STPG2: variants seen among roughly 807,000 people sequenced by gnomAD.
STPG2 encodes sperm tail PG-rich repeat containing 2.
In STPG2, 56 loss-of-function variants were observed where a neutral mutation model predicts 54.2. The observed-to-expected ratio is 1.03, with a 90% CI of 0.83 to 1.29. The LOEUF (loss-of-function observed/expected upper bound fraction) is 1.29. Among genes scored for constraint, STPG2 ranks in the 50% most tolerant of loss-of-function variants. STPG2 has a pLI of 0.00. For missense variants in STPG2, 596 were observed against 544.9 expected, an observed-to-expected ratio of 1.09 and a Z score of -0.93; for synonymous variants, 200 against 181.8, an observed-to-expected ratio of 1.10 and a Z score of -0.81.
intron 5 of STPG2, among the ~76,000 whole-genome samples, chr4:98,014,905 T>C (rs1442870378): frequency 2.0e-5 from 3 of 152,182 alleles, no homozygotes; most frequent in Non-Finnish European, 4.4e-5. Context: ...ATTTTTTTTC[T>C]TTCAGCATTT....
At chr4:97,599,823 C>CAA (rs34252589) in intron 10 of STPG2, among the ~76,000 whole-genome samples, 102 of 112,794 alleles carry the variant, frequency 9.0e-4, no homozygotes, top group Admixed American at 1.9e-3. Flanking sequence ...GATTCTGTCT[C>CAA]AAAAAAAAAA....
At chr4:97,941,599 G>C (rs904918950) in intron 8 of STPG2, among the ~76,000 whole-genome samples, 2 of 151,906 alleles carry the variant, frequency 1.3e-5, no homozygotes, top group Non-Finnish European at 2.9e-5. Flanking sequence ...GTCTGGAAGG[G>C]AGCTATATTT....
intron 10 of STPG2, among the ~76,000 whole-genome samples, chr4:97,672,800 G>A (rs1722739915): frequency 6.6e-6 from 1 of 152,190 alleles, no homozygotes; most frequent in African/African-American, 2.4e-5. Context: ...ACGAAGGCAC[G>A]TGATAATGTT....
At chr4:97,937,747 G>A (rs571319041) in intron 8 of STPG2, among the ~76,000 whole-genome samples, 1 of 152,248 alleles carries the variant, frequency 6.6e-6, no homozygotes, top group South Asian at 2.1e-4. Flanking sequence ...GCAAAGATGG[G>A]TGCCTGCTCT....
At chr4:97,757,746 A>G (rs1277473297) in intron 9 of STPG2, among the ~76,000 whole-genome samples, 1 of 152,128 alleles carries the variant, frequency 6.6e-6, no homozygotes, top group East Asian at 1.9e-4. Flanking sequence ...TGTATGGTGT[A>G]TGTTTTCTTT....
intron 5 of STPG2, among the ~76,000 whole-genome samples, chr4:98,045,096 TA>T: frequency 7.9e-6 from 1 of 126,044 alleles, no homozygotes; most frequent in Admixed American, 7.5e-5. Context: ...GAGATGACTT[TA>T]AAAGGAAAAA....
intron 5 of STPG2, among the ~76,000 whole-genome samples, chr4:98,042,881 T>C (rs1737009447): frequency 6.6e-6 from 1 of 151,978 alleles, no homozygotes; most frequent in Non-Finnish European, 1.5e-5. Context: ...CTGTCTAGTG[T>C]TGTCAGTGGG....
At chr4:97,939,191 C>T (rs1050417449) in intron 8 of STPG2, among the ~76,000 whole-genome samples, 2 of 152,106 alleles carry the variant, frequency 1.3e-5, no homozygotes, top group Non-Finnish European at 2.9e-5. Flanking sequence ...GGTATGATTT[C>T]AGTTCTCTTA....
At chr4:98,083,144 C>T (rs1738402597) in intron 5 of STPG2, among the ~76,000 whole-genome samples, 1 of 152,092 alleles carries the variant, frequency 6.6e-6, no homozygotes, top group Non-Finnish European at 1.5e-5. Context: ...TCTTCTCTTT[C>T]ACCCCACTTC....
intron 8 of STPG2, among the ~76,000 whole-genome samples, chr4:97,908,172 G>GA (rs36064236): frequency 2.0e-5 from 3 of 151,530 alleles, no homozygotes; most frequent in African/African-American, 7.3e-5. Context: ...AAATTTACAA[G>GA]AAAAAAACAA....
chr4:98,008,068 T>C (rs1735625636), intron 5 of STPG2, among the ~76,000 whole-genome samples: 1 of 152,124 alleles, frequency 6.6e-6, no homozygotes, highest in Non-Finnish European at 1.5e-5. Context: ...ACTTCCAAGA[T>C]ATGTAAACAT....
chr4:97,566,657 A>C (rs1426563031), intron 10 of STPG2, among the ~76,000 whole-genome samples: 1 of 152,152 alleles, frequency 6.6e-6, no homozygotes, highest in Admixed American at 6.5e-5. Flanking sequence ...GATAGACTGG[A>C]TTAAGAAAAT....
chr4:97,674,385 A>G (rs1722780884), intron 10 of STPG2, among the ~76,000 whole-genome samples: 1 of 152,334 alleles, frequency 6.6e-6, no homozygotes, highest in South Asian at 2.1e-4. Context: ...GAATAAGAGG[A>G]AGTAGAAATC....
chr4:97,825,198 A>G (rs978674237), intron 9 of STPG2, among the ~76,000 whole-genome samples: 1 of 152,180 alleles, frequency 6.6e-6, no homozygotes, highest in Non-Finnish European at 1.5e-5. Context: ...TTAGAAGTGG[A>G]TAAGAGCCCA....
At chr4:97,737,997 G>A (rs7695523) in intron 9 of STPG2, among the ~76,000 whole-genome samples, 127,596 of 152,156 alleles carry the variant, frequency 0.84, 53,674 homozygotes, top group Middle Eastern at 0.95. Flanking sequence ...AGCCCATCAG[G>A]CTAACAGCGG....
chr4:97,935,047 C>A (rs1732698695), intron 8 of STPG2, among the ~76,000 whole-genome samples: 1 of 152,068 alleles, frequency 6.6e-6, no homozygotes, highest in Non-Finnish European at 1.5e-5. Context: ...TGTTATTGGT[C>A]TATTCAAGGA....
rs531015285 is a variant in STPG2 at position 97,666,999 on chromosome 4, C to A, written c.1320+45700G>T. 1.6e-4 allele frequency among the ~76,000 whole-genome samples: 24 copies of A among 152,282 alleles called. 1 individual carries two copies. Among genetic ancestry groups the A allele is most frequent in the Admixed American group, 8.5e-4 (13 of 15,294 alleles). On this transcript the variant is annotated intron_variant, in intron 10 of 10. Coordinates refer to ENST00000295268, the MANE Select transcript of STPG2 (RefSeq NM_174952.3). ...ACCTCCACTATCACCACCACCACCACCATCATCACTACCACCATCCCACTT... is the reference window on the plus strand; with the variant it reads ...ACCTCCACTATCACCACCACCACCAACATCATCACTACCACCATCCCACTT...
intron 4 of STPG2, among the ~76,000 whole-genome samples, chr4:97,542,833 A>AT (rs1731748522): frequency 6.6e-6 from 1 of 152,174 alleles, no homozygotes; most frequent in Admixed American, 6.6e-5. Context: ...ACATAGATGA[A>AT]GCTGGAAACC....
intron 5 of STPG2, among the ~76,000 whole-genome samples, chr4:98,042,230 G>T (rs1736984624): frequency 6.6e-6 from 1 of 150,634 alleles, no homozygotes; most frequent in African/African-American, 2.4e-5. Flanking sequence ...GTTTTTTTTG[G>T]TAAGTCTAGT....
Sources: allele counts gnomAD v4.1 joint callset (sites outside exome capture counted in the v4.1 genomes callset), GRCh38; gene constraint gnomAD v4.1.1; transcripts MANE v1.5; gene names NCBI Gene and HGNC (gene_info 2026-07-23, HGNC 2026-07-21).